Variants in OR3A2 observed in about 807,000 individuals in gnomAD.
The protein encoded by OR3A2 is olfactory receptor 3A2.
For missense variants in OR3A2, 318 were observed against 392.8 expected, an observed-to-expected ratio of 0.81 and a Z score of 1.61; for synonymous variants, 126 against 159.3, an observed-to-expected ratio of 0.79 and a Z score of 1.57.
chr17:3,289,348 A>G (rs921763502), upstream of OR3A2, among the ~76,000 whole-genome samples: 1 of 152,268 alleles, frequency 6.6e-6, no homozygotes, highest in Non-Finnish European at 1.5e-5. Flanking sequence ...CCAAATTGAT[A>G]AAGAAACCGT....
intron 2 of OR3A2, among the ~76,000 whole-genome samples, chr17:3,374,088 G>C (rs1223837767): frequency 6.6e-6 from 1 of 152,146 alleles, no homozygotes; most frequent in African/African-American, 2.4e-5. Flanking sequence ...AAAATTCTTG[G>C]CTGATAATTT....
At chr17:3,376,440 T>C (rs2049685169) in intron 2 of OR3A2, among the ~76,000 whole-genome samples, 1 of 150,876 alleles carries the variant, frequency 6.6e-6, no homozygotes, top group Non-Finnish European at 1.5e-5. Context: ...GAGCACAGAC[T>C]CTCCTTGGGC....
At chr17:3,315,343 G>C (rs2049072905) in intron 3 of OR3A2, among the ~76,000 whole-genome samples, 1 of 152,168 alleles carries the variant, frequency 6.6e-6, no homozygotes. Flanking sequence ...AGCCTTGCCA[G>C]CATCTGTTGC....
chr17:3,318,834 C>T (rs185600559), intron 3 of OR3A2, among the ~76,000 whole-genome samples: 38 of 152,296 alleles, frequency 2.5e-4, no homozygotes, highest in Non-Finnish European at 4.0e-4. Flanking sequence ...GATTGTACCA[C>T]CAATTCAGTG....
At chr17:3,279,303 A>G (rs1567539923) in intron 1 of OR3A2, 150 bp from the exon 4 acceptor site, 1 of 277,772 alleles carries the variant, frequency 3.6e-6, no homozygotes, top group East Asian at 7.5e-5. Context: ...TAACCATTTT[A>G]CTAACTACAA....
At chr17:3,323,916 T>C (rs1483903300) in intron 3 of OR3A2, among the ~76,000 whole-genome samples, 2 of 152,008 alleles carry the variant, frequency 1.3e-5, no homozygotes, top group Non-Finnish European at 2.9e-5. Flanking sequence ...CCTTGCTAGA[T>C]GGGGGAAGTT....
chr17:3,341,928 C>T (rs2049322291), intron 2 of OR3A2, among the ~76,000 whole-genome samples: 1 of 152,228 alleles, frequency 6.6e-6, no homozygotes, highest in Non-Finnish European at 1.5e-5. Context: ...TGTCTTTTCA[C>T]ATAGTCCCAT....
At chr17:3,335,632 T>C (rs920878713) in intron 3 of OR3A2, among the ~76,000 whole-genome samples, 2 of 152,184 alleles carry the variant, frequency 1.3e-5, no homozygotes, top group African/African-American at 4.8e-5. Context: ...CCCCCACACA[T>C]TTCCAGTCAT....
chr17:3,348,066 T>C (rs2049383886), intron 2 of OR3A2, among the ~76,000 whole-genome samples: 2 of 152,224 alleles, frequency 1.3e-5, no homozygotes, highest in African/African-American at 4.8e-5. Context: ...TCTGTTCACG[T>C]CCTTTGCCCA....
intron 2 of OR3A2, among the ~76,000 whole-genome samples, chr17:3,352,479 C>A (rs562238450): frequency 4.6e-5 from 7 of 151,836 alleles, no homozygotes; most frequent in Non-Finnish European, 7.4e-5. Flanking sequence ...TATGGATATC[C>A]AGTTTTCCCA....
intron 3 of OR3A2, among the ~76,000 whole-genome samples, chr17:3,314,464 C>T (rs1026758883): frequency 6.6e-6 from 1 of 151,576 alleles, no homozygotes; most frequent in African/African-American, 2.4e-5. Flanking sequence ...AGTTGTATAG[C>T]ACATATGACT....
intron 2 of OR3A2, among the ~76,000 whole-genome samples, chr17:3,381,257 G>A (rs768815667): frequency 1.3e-5 from 2 of 151,826 alleles, no homozygotes; most frequent in African/African-American, 2.4e-5. Flanking sequence ...ATCTGAATGT[G>A]CGCTCCAAAA....
intron 2 of OR3A2, among the ~76,000 whole-genome samples, chr17:3,369,042 G>A (rs2049587774): frequency 6.6e-6 from 1 of 152,164 alleles, no homozygotes; most frequent in South Asian, 2.1e-4. Flanking sequence ...CAGCTTGGTT[G>A]CTGCTGGTGT....
intron 3 of OR3A2, among the ~76,000 whole-genome samples, chr17:3,332,807 CTT>C (rs1449039675): frequency 6.6e-6 from 1 of 152,180 alleles, no homozygotes; most frequent in Non-Finnish European, 1.5e-5. Context: ...AAATAATACT[CTT>C]ATAATTTCTT....
At chr17:3,383,648 A>C (rs1170225227) in intron 2 of OR3A2, among the ~76,000 whole-genome samples, 2 of 152,024 alleles carry the variant, frequency 1.3e-5, no homozygotes, top group East Asian at 3.9e-4. Flanking sequence ...AATGGATTGG[A>C]GGGGTGCCAA....
chr17:3,294,572 A>G (rs1303443977), intron 3 of OR3A2, among the ~76,000 whole-genome samples: 3 of 152,230 alleles, frequency 2.0e-5, no homozygotes, highest in Admixed American at 6.5e-5. Flanking sequence ...TTTACAATTC[A>G]AAAGTGTACA....
intron 3 of OR3A2, among the ~76,000 whole-genome samples, chr17:3,296,162 T>C (rs1167103531): frequency 2.0e-5 from 3 of 152,088 alleles, no homozygotes; most frequent in Non-Finnish European, 4.4e-5. Context: ...AACAATGATA[T>C]ATGATCACAG....
chr17:3,336,451 T>G (rs1198307126), intron 2 of OR3A2, among the ~76,000 whole-genome samples: 1 of 152,192 alleles, frequency 6.6e-6, no homozygotes, highest in East Asian at 1.9e-4. Flanking sequence ...ATATAAACTT[T>G]ATGTGTAAGA....
chr17:3,373,072 G>A (rs2049646761), intron 2 of OR3A2, among the ~76,000 whole-genome samples: 1 of 152,126 alleles, frequency 6.6e-6, no homozygotes, highest in Non-Finnish European at 1.5e-5. Context: ...TGCAGAAGCA[G>A]CTTATATAAT....
Sources: allele counts gnomAD v4.1 joint callset (sites outside exome capture counted in the v4.1 genomes callset), GRCh38; gene constraint gnomAD v4.1.1; transcripts MANE v1.5; gene names NCBI Gene and HGNC (gene_info 2026-07-23, HGNC 2026-07-21).